Variants in ZNF804A observed in about 807,000 individuals in gnomAD.
ZNF804A encodes the protein zinc finger protein 804A.
Under a neutral mutation model 16.5 loss-of-function variants are expected in ZNF804A, and 2 were observed. The observed-to-expected ratio is 0.12, with a 90% CI of 0.05 to 0.38. The LOEUF is 0.38. Among genes scored for constraint, ZNF804A ranks in the 10% least tolerant of loss-of-function variants. The probability of loss-of-function intolerance (pLI) is 0.99; values close to 1 mark genes in which losing one functional copy is unlikely to be tolerated. For synonymous variants in ZNF804A, 534 were observed against 489.6 expected (o/e 1.09, Z -1.20); for missense variants, 1,473 against 1,390.7 (o/e 1.06, Z -0.94).
At chr2:184,681,834 G>C (rs1221916704) in intron 1 of ZNF804A, among the ~76,000 whole-genome samples, 1 of 152,190 alleles carries the variant, frequency 6.6e-6, no homozygotes, top group African/African-American at 2.4e-5. Context: ...CTGGACCCAG[G>C]CATCCCTGTG....
chr2:184,617,055 T>C (rs1691333167), intron 1 of ZNF804A, among the ~76,000 whole-genome samples: 1 of 151,992 alleles, frequency 6.6e-6, no homozygotes, highest in Non-Finnish European at 1.5e-5. Context: ...ATAAATCTTT[T>C]AGAAAATTAG....
chr2:184,606,408 C>G (rs148465218), intron 1 of ZNF804A, among the ~76,000 whole-genome samples: 2 of 152,192 alleles, frequency 1.3e-5, no homozygotes, highest in East Asian at 3.9e-4. Flanking sequence ...CTTACTATCA[C>G]GAGAACAGCA....
At chr2:184,656,590 T>A (rs1037546549) in intron 1 of ZNF804A, among the ~76,000 whole-genome samples, 6 of 152,158 alleles carry the variant, frequency 3.9e-5, no homozygotes, top group Non-Finnish European at 7.4e-5. Context: ...TAAGGCAGAA[T>A]GTTGTATATA....
chr2:184,870,553 G>C (rs1467232657), intron 2 of ZNF804A, among the ~76,000 whole-genome samples: 2 of 151,894 alleles, frequency 1.3e-5, no homozygotes, highest in Non-Finnish European at 2.9e-5. Context: ...AGAAACTGGA[G>C]AATTATAATT....
chr2:184,926,450 G>T (rs1376379776), intron 2 of ZNF804A, among the ~76,000 whole-genome samples: 1 of 151,682 alleles, frequency 6.6e-6, no homozygotes, highest in Non-Finnish European at 1.5e-5. Context: ...CTTGATCTTT[G>T]GGAGTTTGAT....
rs552571764 is a variant in ZNF804A, at chr2:184,833,739, G to A, written c.112-32630G>A. On this transcript the variant is annotated intron_variant, in intron 1 of 3. Transcript: ENST00000302277. ...AATTCTCAAAACATTATATCAGGAGGCACAAGATGCCACTTTGTCACATCT... is the reference window on the plus strand; with the variant it reads ...AATTCTCAAAACATTATATCAGGAGACACAAGATGCCACTTTGTCACATCT... Among the ~76,000 whole-genome samples, 4 of 152,100 alleles carry A rather than the reference G, an allele frequency of 2.6e-5. No homozygotes were observed. The East Asian group carries it at 7.7e-4, about 29-fold the overall frequency.
chr2:184,875,766 T>TAAA (rs562501754), intron 2 of ZNF804A, among the ~76,000 whole-genome samples: 9 of 120,326 alleles, frequency 7.5e-5, no homozygotes, highest in African/African-American at 2.4e-4. Context: ...TCATTGACAT[T>TAAA]AAAAAAAAAA....
intron 1 of ZNF804A, among the ~76,000 whole-genome samples, chr2:184,796,200 T>C (rs991115046): frequency 6.6e-6 from 1 of 152,090 alleles, no homozygotes; most frequent in African/African-American, 2.4e-5. Flanking sequence ...TGTCCATTCC[T>C]GGTTTTGGTA....
chr2:184,660,884 A>T (rs1692165412), intron 1 of ZNF804A, among the ~76,000 whole-genome samples: 1 of 152,248 alleles, frequency 6.6e-6, no homozygotes, highest in African/African-American at 2.4e-5. Context: ...CTTACTTGAT[A>T]TGATTTTCAG....
intron 1 of ZNF804A, among the ~76,000 whole-genome samples, chr2:184,697,995 A>G (rs988452233): frequency 3.3e-5 from 5 of 152,094 alleles, no homozygotes; most frequent in Admixed American, 6.6e-5. Context: ...GATTTCATAC[A>G]TAGACTTTTA....
At chr2:184,652,033 A>G (rs534933057) in intron 1 of ZNF804A, among the ~76,000 whole-genome samples, 2 of 152,328 alleles carry the variant, frequency 1.3e-5, no homozygotes, top group South Asian at 4.1e-4. Context: ...TATGCAATCA[A>G]CATTGGTACC....
At chr2:184,826,716 C>T (rs563452818) in intron 1 of ZNF804A, among the ~76,000 whole-genome samples, 98 of 152,056 alleles carry the variant, frequency 6.4e-4, no homozygotes, top group African/African-American at 2.3e-3. Flanking sequence ...TTACTCTAAC[C>T]GTTGAAAAAA....
intron 1 of ZNF804A, among the ~76,000 whole-genome samples, chr2:184,751,760 C>T (rs1286692782): frequency 6.6e-6 from 1 of 151,466 alleles, no homozygotes; most frequent in Non-Finnish European, 1.5e-5. Flanking sequence ...CCAGAACCAA[C>T]AAGTAACTCA....
intron 1 of ZNF804A, among the ~76,000 whole-genome samples, chr2:184,864,875 A>AT (rs34114485): frequency 0.068 from 7,145 of 105,300 alleles, 437 homozygotes; most frequent in Non-Finnish European, 0.092. Context: ...TATAGTTAGG[A>AT]TTTTTTTTTT....
intron 2 of ZNF804A, among the ~76,000 whole-genome samples, chr2:184,892,863 T>A (rs920579661): frequency 6.6e-6 from 1 of 152,186 alleles, no homozygotes; most frequent in Non-Finnish European, 1.5e-5. Context: ...GTGTTTTAAT[T>A]CTGCCTGGTT....
intron 2 of ZNF804A, among the ~76,000 whole-genome samples, chr2:184,869,552 A>G (rs906070242): frequency 6.6e-6 from 1 of 152,054 alleles, no homozygotes; most frequent in African/African-American, 2.4e-5. Flanking sequence ...ATGCACATTA[A>G]TATGCATTGC....
At chr2:184,893,827 T>A (rs1197943489) in intron 2 of ZNF804A, among the ~76,000 whole-genome samples, 1 of 152,132 alleles carries the variant, frequency 6.6e-6, no homozygotes, top group Non-Finnish European at 1.5e-5. Flanking sequence ...TGTGTTATAT[T>A]GATGTCTTAG....
intron 1 of ZNF804A, among the ~76,000 whole-genome samples, chr2:184,857,657 C>G (rs1404035346): frequency 6.6e-6 from 1 of 152,114 alleles, no homozygotes; most frequent in Non-Finnish European, 1.5e-5. Context: ...TTACACACTA[C>G]AATATTTATA....
At chr2:184,809,343 A>G (rs1184470572) in intron 1 of ZNF804A, among the ~76,000 whole-genome samples, 3 of 151,890 alleles carry the variant, frequency 2.0e-5, no homozygotes, top group Non-Finnish European at 4.4e-5. Flanking sequence ...GAGAAAGTGA[A>G]TGGAGGAAAG....
Sources: allele counts gnomAD v4.1 joint callset (sites outside exome capture counted in the v4.1 genomes callset), GRCh38; gene constraint gnomAD v4.1.1; transcripts MANE v1.5; gene names NCBI Gene and HGNC (gene_info 2026-07-23, HGNC 2026-07-21).